Variants in OSBPL10 observed in about 807,000 individuals in gnomAD.
OSBPL10 encodes oxysterol binding protein like 10.
A neutral mutation model predicts 81.7 loss-of-function variants in OSBPL10; 49 were observed. The ratio of observed to expected loss-of-function variants is 0.60; its 90% CI spans 0.48 to 0.76. The LOEUF (loss-of-function observed/expected upper bound fraction) is 0.76. OSBPL10 is among the 30% of genes least tolerant of loss of function. The pLI is 0.00. For missense variants in OSBPL10, 923 were observed against 987.8 expected (o/e 0.93, Z 0.88); for synonymous variants, 419 against 383.6 (o/e 1.09, Z -1.08).
At chr3:31,834,123 T>C (rs1298560578) in intron 3 of OSBPL10, among the ~76,000 whole-genome samples, 1 of 152,186 alleles carries the variant, frequency 6.6e-6, no homozygotes, top group Non-Finnish European at 1.5e-5. Flanking sequence ...GCAAGCACTA[T>C]AAATGAGCAG....
At chr3:31,871,760 G>A (rs1701331777) in intron 3 of OSBPL10, among the ~76,000 whole-genome samples, 1 of 152,186 alleles carries the variant, frequency 6.6e-6, no homozygotes, top group Non-Finnish European at 1.5e-5. Context: ...CTGCTCAGGA[G>A]GCTAAGGTGG....
chr3:31,899,012 A>AG (rs1696150029), intron 1 of OSBPL10, among the ~76,000 whole-genome samples: 1 of 118,776 alleles, frequency 8.4e-6, no homozygotes, highest in African/African-American at 3.4e-5. Flanking sequence ...CCCAGGCTGC[A>AG]GTGCAGTGGC....
intron 4 of OSBPL10, among the ~76,000 whole-genome samples, chr3:31,757,602 C>G (rs549198426): frequency 2.6e-5 from 4 of 152,338 alleles, no homozygotes; most frequent in African/African-American, 9.6e-5. Flanking sequence ...CTAAGAAACA[C>G]ATCACAGACA....
At chr3:32,051,521 C>A (rs975299445) in intron 1 of OSBPL10, among the ~76,000 whole-genome samples, 1 of 152,168 alleles carries the variant, frequency 6.6e-6, no homozygotes, top group African/African-American at 2.4e-5. Flanking sequence ...AATGTCCTCA[C>A]CCCCCACTGA....
chr3:31,774,758 G>A (rs1698502485), intron 4 of OSBPL10, among the ~76,000 whole-genome samples: 1 of 151,224 alleles, frequency 6.6e-6, no homozygotes, highest in South Asian at 2.1e-4. Context: ...TGATGGGACC[G>A]CCTCAGCCTC....
intron 7 of OSBPL10, among the ~76,000 whole-genome samples, chr3:31,700,928 A>G (rs1575485123): frequency 6.6e-6 from 1 of 152,332 alleles, no homozygotes; most frequent in Admixed American, 6.5e-5. Flanking sequence ...GCAGCCACAC[A>G]GAGGGTGGAG....
At chr3:31,722,736 G>T (rs1397541669) in intron 6 of OSBPL10, among the ~76,000 whole-genome samples, 1 of 151,946 alleles carries the variant, frequency 6.6e-6, no homozygotes, top group African/African-American at 2.4e-5. Flanking sequence ...GAAGATATTT[G>T]GAATCTGAAA....
At chr3:31,666,521 G>C (rs1700194232) in intron 10 of OSBPL10, among the ~76,000 whole-genome samples, 1 of 152,170 alleles carries the variant, frequency 6.6e-6, no homozygotes, top group African/African-American at 2.4e-5. Context: ...GTGAACACAG[G>C]TGCTCTGAGC....
chr3:31,976,175 T>A (rs1698691722), intron 1 of OSBPL10, among the ~76,000 whole-genome samples: 1 of 152,188 alleles, frequency 6.6e-6, no homozygotes, highest in Non-Finnish European at 1.5e-5. Flanking sequence ...AAGAATTTTA[T>A]GGACCAGAAA....
intron 11 of OSBPL10, 105 bp downstream of exon 11, chr3:31,663,974 G>A (rs773952495): frequency 2.5e-6 from 4 of 1,611,468 alleles, no homozygotes; most frequent in Admixed American, 1.7e-5. Flanking sequence ...CCCTTCCCCT[G>A]CCTGGTATTT....
At chr3:31,902,860 G>A (rs1696291435) in intron 1 of OSBPL10, among the ~76,000 whole-genome samples, 1 of 152,118 alleles carries the variant, frequency 6.6e-6, no homozygotes, top group Admixed American at 6.5e-5. Context: ...TAAGTCAGTG[G>A]CCAGCAGGCA....
chr3:31,751,345 T>A (rs1382813413), intron 4 of OSBPL10, among the ~76,000 whole-genome samples: 4 of 151,452 alleles, frequency 2.6e-5, no homozygotes, highest in African/African-American at 9.7e-5. Context: ...AGACCTTGTC[T>A]CAAAATAAAT....
chr3:31,733,342 G>A lies in OSBPL10; in HGVS notation c.1010C>T (p.Ser337Phe). The A allele has an allele frequency of 2.5e-6, 4 of 1,613,796 alleles. No individual in the cohort carries two copies. Among genetic ancestry groups the A allele is most frequent in the Non-Finnish European group, 3.4e-6 (4 of 1,179,970 alleles). The change falls in exon 6 of 12, where the codon TCT becomes TTT. Residue 337 changes from serine to phenylalanine, a missense_variant. By Grantham distance (155) the Ser-to-Phe change is radical (BLOSUM62 -2). This residue lies in a region of OSBPL10 where 514 missense variants were observed against 508.0 expected (regional missense o/e 1.01). Transcript: ENST00000396556. ...TEQLKNGTLG[S>F]LPSASANITW... ...TATGTTGGCACTGGCTGATGGCAAA[G>A]AGCCAAGTGTCCCATTTTTCAGCTG...
intron 1 of OSBPL10, among the ~76,000 whole-genome samples, chr3:31,888,745 AC>A (rs34688846): frequency 6.6e-6 from 1 of 152,106 alleles, no homozygotes; most frequent in Non-Finnish European, 1.5e-5. Context: ...ACATGGTGAA[AC>A]CCCATCTCTA....
chr3:31,722,658 T>TTA (rs940981436), intron 6 of OSBPL10, among the ~76,000 whole-genome samples: 126 of 151,884 alleles, frequency 8.3e-4, no homozygotes, highest in South Asian at 2.3e-3. Context: ...TTGAATTACA[T>TTA]TATATATATA....
intron 4 of OSBPL10, among the ~76,000 whole-genome samples, chr3:31,823,188 T>C (rs1209418584): frequency 6.6e-6 from 1 of 152,130 alleles, no homozygotes; most frequent in East Asian, 1.9e-4. Context: ...AATTGCCAGG[T>C]CTCCTCTCTG....
intron 4 of OSBPL10, among the ~76,000 whole-genome samples, chr3:31,818,229 G>C (rs576538314): frequency 2.1e-4 from 32 of 152,174 alleles, no homozygotes; most frequent in Non-Finnish European, 4.1e-4. Flanking sequence ...TGGGTGGGCC[G>C]CTCCAGTCCA....
intron 3 of OSBPL10, among the ~76,000 whole-genome samples, chr3:31,856,515 T>C (rs1444032140): frequency 6.6e-6 from 1 of 152,190 alleles, no homozygotes; most frequent in Non-Finnish European, 1.5e-5. Context: ...TGTCCAACTT[T>C]ACTAAGGGAG....
chr3:31,792,860 C>CTGTGTGTGTGTGTG (rs6147757), intron 4 of OSBPL10, among the ~76,000 whole-genome samples: 90 of 126,722 alleles, frequency 7.1e-4, no homozygotes, highest in East Asian at 4.2e-3. Flanking sequence ...TCTAGGCACT[C>CTGTGTGTGTGTGTG]TGTGTGTGTG....
Sources: allele counts gnomAD v4.1 joint callset (sites outside exome capture counted in the v4.1 genomes callset), GRCh38; gene constraint gnomAD v4.1.1; regional missense constraint gnomAD v4.1.1; transcripts MANE v1.5; gene names NCBI Gene and HGNC (gene_info 2026-07-23, HGNC 2026-07-21).